The following COL2A1 variants were observed in gnomAD, a reference collection of about 807,000 sequenced individuals.
COL2A1 encodes the protein collagen alpha-1(II) chain.
Under a neutral mutation model 204.5 loss-of-function variants are expected in COL2A1, and 28 were observed. That is an observed-to-expected ratio of 0.14 (90% confidence interval 0.10 to 0.19). The LOEUF is 0.19. Among genes scored for constraint, COL2A1 ranks in the 10% least tolerant of loss-of-function variants. The pLI, the probability that COL2A1 is intolerant of heterozygous loss-of-function variation, is 1.00. For missense variants in COL2A1, 1,388 were observed against 2,027.5 expected, an observed-to-expected ratio of 0.68 and a Z score of 6.06; for synonymous variants, 708 against 718.7, an observed-to-expected ratio of 0.99 and a Z score of 0.24.
At chr12:47,995,650 C>T in intron 10 of COL2A1, 60 bp downstream of exon 10, 1 of 1,515,634 alleles carries the variant, frequency 6.6e-7, no homozygotes, top group Admixed American at 1.7e-5. Flanking sequence ...CAGCTGCGGT[C>T]CTAGTGGTCT....
intron 51 of COL2A1, 74 bp downstream of exon 51, chr12:47,975,243 C>A: frequency 1.9e-6 from 3 of 1,573,972 alleles, no homozygotes; most frequent in Non-Finnish European, 1.7e-6. Context: ...TAGGGGGCAT[C>A]TCCTCCCTTG....
At chr12:48,000,247 T>G (rs749271290) in intron 1 of COL2A1, 122 bp from the exon 2 acceptor site, 1 of 718,212 alleles carries the variant, frequency 1.4e-6, no homozygotes, top group Non-Finnish European at 2.5e-6. Flanking sequence ...GAATGTAGGC[T>G]GGGGCCACCT....
rs757706038 is a variant in COL2A1, at chr12:47,976,782, G to C, written c.3435+30C>G. The C allele has an allele frequency of 1.3e-6, 2 of 1,589,204 alleles. No homozygotes were observed. The highest frequency in any genetic ancestry group is 2.2e-5 in the South Asian group (2 of 89,186). On this transcript the variant is annotated intron_variant, in intron 48 of 53. Transcript: ENST00000380518. This position sits in a 1 kb window ranked among gnomAD's most constrained non-coding sequence, Gnocchi z 4.3. ...TGGGCTCTGTGTGGCAGGAGGCCTC[G>C]GGAAGTCCCACGCAGGCAGTGACAC...
Position 47,978,510 on chromosome 12 carries a change from T to G in COL2A1, c.2895+87A>C. The stretch of plus-strand genomic sequence containing the variant: ...TCCCTGGCATCCCCACGGCCCCTGC[T>G]CCCTCCTACCCCATGCTCTGTGAGC... On this transcript the variant is annotated intron_variant, in intron 42 of 53. Coordinates refer to ENST00000380518, the MANE Select transcript of COL2A1 (RefSeq NM_001844.5). The surrounding 1 kb of genome is among the most constrained non-coding windows in gnomAD (Gnocchi z 5.5). The G allele has an allele frequency of 3.1e-6, 5 of 1,587,376 alleles. No homozygotes were observed. Among genetic ancestry groups the G allele is most frequent in the Non-Finnish European group, 4.3e-6 (5 of 1,163,324 alleles).
intron 22 of COL2A1, 115 bp from the exon 23 acceptor site, chr12:47,986,558 C>G (rs1015510788): frequency 1.4e-5 from 10 of 731,362 alleles, no homozygotes; most frequent in Admixed American, 1.1e-4. Context: ...TGGGGGGGGG[C>G]TTGAGGACGA....
intron 27 of COL2A1, 120 bp from the exon 28 acceptor site, chr12:47,984,719 A>G (rs758770839): frequency 1.8e-5 from 17 of 956,206 alleles, no homozygotes; most frequent in Non-Finnish European, 2.7e-5. Flanking sequence ...GATAAAGCAA[A>G]GTATCAGCCC....
chr12:47,985,840 C>T lies in COL2A1; in HGVS notation c.1582-14G>A, dbSNP rs987523894. 2 of 1,601,836 alleles carry T rather than the reference C, an allele frequency of 1.2e-6. No homozygotes were observed. Among genetic ancestry groups the T allele is most frequent in the Non-Finnish European group, 1.7e-6 (2 of 1,173,622 alleles). ...TCCAGGGGCTCCCTACAAGGGTACACAGGGAGTCAGTGGGATACCATGTGA... is the reference window on the plus strand; with the variant it reads ...TCCAGGGGCTCCCTACAAGGGTACATAGGGAGTCAGTGGGATACCATGTGA... On this transcript the variant is annotated splice_polypyrimidine_tract_variant and intron_variant, in intron 24 of 53. Transcript: ENST00000380518.
chr12:48,001,502 C>A (rs182382200), intron 1 of COL2A1, among the ~76,000 whole-genome samples: 2 of 151,952 alleles, frequency 1.3e-5, no homozygotes, highest in Non-Finnish European at 2.9e-5. Context: ...TTAATGCGCT[C>A]CAGCCCAGAC....
intron 2 of COL2A1, chr12:47,999,633 G>GGTTTTT (rs1940134029): frequency 4.5e-6 from 1 of 220,862 alleles, no homozygotes; most frequent in South Asian, 4.4e-5. Context: ...TTTCAGAGAG[G>GGTTTTT]ATTTTTTTTT....
intron 1 of COL2A1, chr12:48,003,120 C>T (rs1284525646): frequency 6.6e-6 from 1 of 152,264 alleles, no homozygotes; most frequent in African/African-American, 2.4e-5. Flanking sequence ...ATCCTCTCTA[C>T]CTAATACACT....
At position 47,975,440 on chromosome 12, in the gene COL2A1, C is replaced by T; in HGVS notation, c.3763G>A (p.Val1255Met). The change falls in exon 51 of 54, where the codon GTG becomes ATG. Residue 1255 changes from valine to methionine, a missense_variant. By Grantham distance (21) the Val-to-Met change is conservative. Transcript: ENST00000380518. ...TTGAGGGACTTGAGTGTGGCATCCA[C>T]CTCGGCGTCATGCTGTCTCAGGCCA... Reference protein sequence around the residue: ...AGGLRQHDAEVDATLKSLNNQ... With the variant: ...AGGLRQHDAEMDATLKSLNNQ... The T allele has an allele frequency of 6.2e-7, 1 of 1,614,190 alleles. No homozygotes were observed. Among genetic ancestry groups the T allele is most frequent in the African/African-American group, 1.3e-5 (1 of 75,062 alleles).
Position 48,000,049 on chromosome 12 carries a change from G to T in COL2A1, c.162C>A (p.Ile54=). The change falls in exon 2 of 54, where the codon ATC becomes ATA. Residue 54 remains isoleucine, a synonymous_variant. Coordinates refer to ENST00000380518, the MANE Select transcript of COL2A1 (RefSeq NM_001844.5). ...GGACAGTCCCAGTGTCACAGACACAGATCCGGCAGGGCTCCGGCTTCCACA... is the reference window on the plus strand; with the variant it reads ...GGACAGTCCCAGTGTCACAGACACATATCCGGCAGGGCTCCGGCTTCCACA... ...KDVWKPEPCR[I]CVCDTGTVLC... 2 of 1,614,046 alleles carry T rather than the reference G, an allele frequency of 1.2e-6. No individual in the cohort carries two copies. The highest frequency in any genetic ancestry group is 2.7e-5 in the African/African-American group (2 of 75,006).
At chr12:47,992,817 CAAACCTGT>C in intron 16 of COL2A1, 53 bp downstream of exon 16, 3 of 1,575,422 alleles carry the variant, frequency 1.9e-6, no homozygotes, top group Non-Finnish European at 1.7e-6. Context: ...TCAAGAGAAA[CAAACCTGT>C]AAACTCTAAA....
Position 47,976,758 on chromosome 12 carries a change from G to T in COL2A1, c.3435+54C>A. ...TCCTGGCAGCACAGGGAGCTCAAGTGGGCTCTGTGTGGCAGGAGGCCTCGG... is the reference window on the plus strand; with the variant it reads ...TCCTGGCAGCACAGGGAGCTCAAGTTGGCTCTGTGTGGCAGGAGGCCTCGG... On this transcript the variant is annotated intron_variant, in intron 48 of 53. Coordinates refer to ENST00000380518, the MANE Select transcript of COL2A1 (RefSeq NM_001844.5). This position sits in a 1 kb window ranked among gnomAD's most constrained non-coding sequence, Gnocchi z 4.3. 2 of 1,526,198 alleles carry T rather than the reference G, an allele frequency of 1.3e-6. No individual in the cohort carries two copies. The highest frequency in any genetic ancestry group is 2.3e-5 in the East Asian group (1 of 43,610). 94.5% of individuals were successfully genotyped at this position (1,526,198 alleles called of 1,614,324 possible). A position where few individuals can be genotyped will look rare whatever the true frequency, so the allele number is the denominator to read the frequency against.
chr12:47,974,721 T>A lies in COL2A1; in HGVS notation c.4028A>T (p.Glu1343Val). 6.2e-7 allele frequency: 1 copy of A among 1,614,226 alleles called. No individual in the cohort carries two copies. The highest frequency in any genetic ancestry group is 8.5e-7 in the Non-Finnish European group (1 of 1,180,040). The change falls in exon 52 of 54, where the codon GAG (glutamate) becomes GTG (valine). Residue 1343 changes from glutamate to valine, a missense_variant. Glu to Val is a moderately radical substitution (Grantham distance 121, BLOSUM62 -2). Transcript: ENST00000380518. ...KKNWWSSKSK[E>V]KKHIWFGETI... The stretch of plus-strand genomic sequence containing the variant: ...TTCTCCAAACCAGATGTGTTTCTTC[T>A]CCTTGCTCTTGCTGCTCCACCAGTT...
chr12:47,983,203 A>G (rs1939194433), intron 31 of COL2A1, 66 bp from the exon 32 acceptor site: 2 of 1,566,834 alleles, frequency 1.3e-6, no homozygotes, highest in East Asian at 2.3e-5. Context: ...ACAATTCTCC[A>G]CAGCAGGGCT....
In COL2A1 at chr12:47,975,428, G is replaced by A. The variant is rs1938652504; in HGVS notation, c.3775C>T (p.Leu1259Phe). 1 of 1,614,194 alleles carries A rather than the reference G, an allele frequency of 6.2e-7. No individual in the cohort carries two copies. Among genetic ancestry groups the A allele is most frequent in the Non-Finnish European group, 8.5e-7 (1 of 1,180,030 alleles). ...RQHDAEVDATLKSLNNQIESI... is the reference protein window; with the variant it reads ...RQHDAEVDATFKSLNNQIESI... ...TCAATCTGGTTGTTGAGGGACTTGA[G>A]TGTGGCATCCACCTCGGCGTCATGC... The change falls in exon 51 of 54, where the codon CTC becomes TTC. Residue 1259 changes from leucine (L) to phenylalanine (F), a missense_variant. By Grantham distance (22) the Leu-to-Phe change is conservative (BLOSUM62 0). Around this residue, in one of 3 missense-constraint regions of COL2A1, gnomAD observed 303 missense variants for 369.2 expected, o/e 0.82. Transcript: ENST00000380518.
At chr12:47,982,425 G>T (rs1319583891) in intron 34 of COL2A1, 77 bp downstream of exon 34, 14 of 1,235,790 alleles carry the variant, frequency 1.1e-5, no homozygotes, top group Non-Finnish European at 1.3e-5. Context: ...GTGCCATAAG[G>T]GAACGGAAGC....
chr12:47,979,576 G>T lies in COL2A1; in HGVS notation c.2680-12C>A, dbSNP rs1186183080. On this transcript the variant is annotated splice_polypyrimidine_tract_variant and intron_variant, in intron 40 of 53. Coordinates refer to ENST00000380518, the MANE Select transcript of COL2A1 (RefSeq NM_001844.5). ...AATCCAGTGGCTCCCTGTGTGGGGA[G>T]AGGAGAGCCCCTGAGAACCTCAAGC... is the stretch of plus-strand genomic sequence containing the variant. 1 of 1,595,110 alleles carries T rather than the reference G, an allele frequency of 6.3e-7. No individual in the cohort carries two copies. Among genetic ancestry groups the T allele is most frequent in the Non-Finnish European group, 8.6e-7 (1 of 1,169,386 alleles).
Sources: allele counts gnomAD v4.1 joint callset (sites outside exome capture counted in the v4.1 genomes callset), GRCh38; gene constraint gnomAD v4.1.1; regional missense constraint gnomAD v4.1.1; non-coding constraint Gnocchi (gnomAD v3.1); transcripts MANE v1.5; gene names NCBI Gene and HGNC (gene_info 2026-07-23, HGNC 2026-07-21).